The following CSMD1 variants were observed in gnomAD, a reference collection of about 807,000 sequenced individuals.
CSMD1 encodes the protein CUB and Sushi multiple domains 1, also known as CUB and sushi domain-containing protein 1.
In CSMD1, 213 loss-of-function variants were observed where a neutral mutation model predicts 417.5. The ratio of observed to expected loss-of-function variants is 0.51; its 90% CI spans 0.46 to 0.57. The LOEUF (loss-of-function observed/expected upper bound fraction) is 0.57, where lower values mean the gene tolerates loss of function less well. CSMD1 is among the 20% of genes least tolerant of loss of function. CSMD1 has a pLI of 0.00. For missense variants in CSMD1, 6,923 were observed against 4,529.7 expected (o/e 1.53, Z -15.17); for synonymous variants, 2,862 against 1,736.8 (o/e 1.65, Z -16.11).
chr8:3,673,183 T>G (rs887044689), intron 7 of CSMD1, among the ~76,000 whole-genome samples: 4 of 152,220 alleles, frequency 2.6e-5, no homozygotes, highest in African/African-American at 4.8e-5. Context: ...ACACAGAATC[T>G]GAAATTATTC....
At chr8:3,461,261 C>T (rs901169383) in intron 12 of CSMD1, among the ~76,000 whole-genome samples, 2 of 152,186 alleles carry the variant, frequency 1.3e-5, no homozygotes, top group African/African-American at 4.8e-5. Context: ...GGCATTCCTG[C>T]CACAGACTGC....
At chr8:3,776,179 G>C (rs149545480) in intron 5 of CSMD1, among the ~76,000 whole-genome samples, 2 of 152,100 alleles carry the variant, frequency 1.3e-5, no homozygotes, top group Non-Finnish European at 2.9e-5. Context: ...CTTCAGAACA[G>C]ATCCATGTCT....
At chr8:4,192,874 G>T (rs1243993067) in intron 3 of CSMD1, among the ~76,000 whole-genome samples, 2 of 152,080 alleles carry the variant, frequency 1.3e-5, no homozygotes, top group Non-Finnish European at 2.9e-5. Context: ...TGTCCTTCTA[G>T]GAACTTGATT....
intron 6 of CSMD1, among the ~76,000 whole-genome samples, chr8:3,712,072 T>A (rs1299731368): frequency 3.3e-5 from 5 of 152,206 alleles, no homozygotes; most frequent in African/African-American, 1.2e-4. Context: ...CACTAGGGAA[T>A]ATATGTATTT....
intron 3 of CSMD1, among the ~76,000 whole-genome samples, chr8:4,250,358 A>C (rs1161022294): frequency 6.6e-6 from 1 of 152,142 alleles, no homozygotes; most frequent in Admixed American, 6.5e-5. Context: ...TGTGTCCCCT[A>C]ATGTGACTCT....
At chr8:3,594,270 C>T (rs1034219773) in intron 8 of CSMD1, among the ~76,000 whole-genome samples, 2 of 152,104 alleles carry the variant, frequency 1.3e-5, no homozygotes, top group Non-Finnish European at 2.9e-5. Flanking sequence ...CTTCATCAAA[C>T]AGCTCTTGGT....
At chr8:4,351,902 C>G (rs944718897) in intron 3 of CSMD1, among the ~76,000 whole-genome samples, 1 of 151,230 alleles carries the variant, frequency 6.6e-6, no homozygotes, top group Non-Finnish European at 1.5e-5. Context: ...ACTACAGAAA[C>G]CAAACTGTAG....
At chr8:4,374,249 C>T (rs538801457) in intron 3 of CSMD1, among the ~76,000 whole-genome samples, 19 of 152,206 alleles carry the variant, frequency 1.2e-4, no homozygotes, top group African/African-American at 3.6e-4. Flanking sequence ...CCATCACTAA[C>T]GTGTGAGTTA....
intron 12 of CSMD1, among the ~76,000 whole-genome samples, chr8:3,459,018 G>A (rs1367878781): frequency 3.9e-5 from 6 of 152,204 alleles, no homozygotes; most frequent in African/African-American, 9.6e-5. Context: ...TTTCCTACCC[G>A]CAAGGGTAGG....
rs571476970 is a variant in CSMD1 at position 3,224,564 on chromosome 8, G to C, written c.4346-697C>G. ...AAGTGAGCTCTAAGTATACATATCA[G>C]TGAGGAGCTGAGCTGGAGCATTACT... On this transcript the variant is annotated intron_variant, in intron 27 of 69. Transcript: ENST00000635120. Among the ~76,000 whole-genome samples, 64 of 152,288 alleles carry C rather than the reference G, an allele frequency of 4.2e-4. 2 individuals carry two copies. The South Asian group carries it at 6.6e-3, about 16-fold the overall frequency.
intron 3 of CSMD1, among the ~76,000 whole-genome samples, chr8:4,082,751 C>G (rs1038024405): frequency 4.8e-5 from 7 of 144,766 alleles, no homozygotes; most frequent in African/African-American, 1.8e-4. Context: ...TCTCCTGATG[C>G]TATCCCTCCC....
intron 10 of CSMD1, among the ~76,000 whole-genome samples, chr8:3,503,033 C>T (rs1404821243): frequency 1.3e-5 from 2 of 152,120 alleles, no homozygotes; most frequent in Non-Finnish European, 2.9e-5. Context: ...ATCAATTTTG[C>T]TGTGCAAACT....
chr8:4,126,777 C>G (rs752457210), intron 3 of CSMD1, among the ~76,000 whole-genome samples: 3 of 152,180 alleles, frequency 2.0e-5, no homozygotes, highest in East Asian at 1.9e-4. Context: ...CTCATAGAAA[C>G]AGGCAACACT....
intron 4 of CSMD1, among the ~76,000 whole-genome samples, chr8:4,008,415 T>C (rs906605933): frequency 1.3e-5 from 2 of 150,374 alleles, no homozygotes; most frequent in African/African-American, 4.9e-5. Flanking sequence ...TATTATATAA[T>C]TTTTTTTTAT....
At chr8:3,694,736 TCTG>T (rs1800453161) in intron 7 of CSMD1, among the ~76,000 whole-genome samples, 1 of 151,772 alleles carries the variant, frequency 6.6e-6, no homozygotes, top group Non-Finnish European at 1.5e-5. Flanking sequence ...CAGGTGCCAT[TCTG>T]CTTCGAAAGC....
chr8:3,821,211 C>A lies in CSMD1; in HGVS notation c.819-67169G>T, dbSNP rs531337501. On this transcript the variant is annotated intron_variant, in intron 5 of 69. Transcript: ENST00000635120. ...GGGATTACAGGTGTGAACCACCGTA[C>A]CCAGCTCTAGGTTAACTTTTTTAAA... is the stretch of plus-strand genomic sequence containing the variant. 2.6e-5 allele frequency among the ~76,000 whole-genome samples: 4 copies of A among 152,248 alleles called. No homozygotes were observed. In the South Asian group the frequency reaches 8.3e-4, roughly 32 times the overall value.
At chr8:3,374,447 G>A (rs555966860) in intron 18 of CSMD1, among the ~76,000 whole-genome samples, 1 of 152,240 alleles carries the variant, frequency 6.6e-6, no homozygotes, top group Non-Finnish European at 1.5e-5. Flanking sequence ...ATTCTAATGG[G>A]GAAGGCAAAT....
At chr8:4,589,808 G>C (rs928861758) in intron 2 of CSMD1, among the ~76,000 whole-genome samples, 2 of 152,162 alleles carry the variant, frequency 1.3e-5, no homozygotes, top group African/African-American at 2.4e-5. Flanking sequence ...ATGTCAAAGA[G>C]TATCAAGAAT....
At chr8:3,564,561 T>A (rs1357845120) in intron 10 of CSMD1, among the ~76,000 whole-genome samples, 2 of 79,746 alleles carry the variant, frequency 2.5e-5, no homozygotes, top group African/African-American at 9.6e-5. Context: ...ATAATACATG[T>A]TTGCAAGCAA....
Sources: allele counts gnomAD v4.1 joint callset (sites outside exome capture counted in the v4.1 genomes callset), GRCh38; gene constraint gnomAD v4.1.1; transcripts MANE v1.5; gene names NCBI Gene and HGNC (gene_info 2026-07-23, HGNC 2026-07-21).